Variants in SMOC2 observed in about 807,000 individuals in gnomAD.
The protein encoded by SMOC2 is SPARC-related modular calcium-binding protein 2.
A neutral mutation model predicts 61.4 loss-of-function variants in SMOC2; 39 were observed. The observed-to-expected ratio is 0.64, with a 90% CI of 0.49 to 0.83. The LOEUF is 0.83. Among genes scored for constraint, SMOC2 ranks in the 40% least tolerant of loss-of-function variants. The pLI, the probability that SMOC2 is intolerant of heterozygous loss-of-function variation, is 0.00. For synonymous variants in SMOC2, 247 were observed against 239.9 expected, an observed-to-expected ratio of 1.03 and a Z score of -0.27; for missense variants, 556 against 592.9, an observed-to-expected ratio of 0.94 and a Z score of 0.65.
chr6:168,605,513 G>C (rs553647762), intron 8 of SMOC2, among the ~76,000 whole-genome samples: 6 of 152,096 alleles, frequency 3.9e-5, no homozygotes, highest in Non-Finnish European at 7.3e-5. Flanking sequence ...TGTCAATTCT[G>C]CAAGTCATGG....
At chr6:168,632,439 G>A (rs187638954) in intron 9 of SMOC2, among the ~76,000 whole-genome samples, 1 of 152,354 alleles carries the variant, frequency 6.6e-6, no homozygotes, top group Admixed American at 6.5e-5. Flanking sequence ...ATCAAAGGAA[G>A]TGCTTTCACT....
At chr6:168,514,580 A>C (rs5016785) in intron 2 of SMOC2, among the ~76,000 whole-genome samples, 136,226 of 152,130 alleles carry the variant, frequency 0.9, 61,916 homozygotes, top group East Asian at 1. Flanking sequence ...AATCTCAGCT[A>C]TCTGTGCTGA....
At chr6:168,611,879 C>A (rs527612941) in intron 9 of SMOC2, among the ~76,000 whole-genome samples, 124 of 152,268 alleles carry the variant, frequency 8.1e-4, no homozygotes, top group African/African-American at 3.0e-3. Context: ...AGGCGGCCGG[C>A]CACTCACATG....
At chr6:168,527,204 G>A (rs1783476321) in intron 3 of SMOC2, among the ~76,000 whole-genome samples, 2 of 152,132 alleles carry the variant, frequency 1.3e-5, no homozygotes, top group Admixed American at 6.5e-5. Flanking sequence ...AGGCTGTTCT[G>A]GCCCTGGTTG....
chr6:168,514,919 G>C (rs1391419081), intron 2 of SMOC2, among the ~76,000 whole-genome samples: 1 of 152,210 alleles, frequency 6.6e-6, no homozygotes, highest in East Asian at 1.9e-4. Context: ...CGACACCTGT[G>C]ACCCTCTCTG....
At chr6:168,445,723 G>A (rs1781317789) in intron 1 of SMOC2, among the ~76,000 whole-genome samples, 1 of 152,156 alleles carries the variant, frequency 6.6e-6, no homozygotes, top group Non-Finnish European at 1.5e-5. Flanking sequence ...CCACGAAGGT[G>A]GTTAAGGAGG....
chr6:168,471,156 T>G (rs1781959084), intron 1 of SMOC2, among the ~76,000 whole-genome samples: 1 of 152,228 alleles, frequency 6.6e-6, no homozygotes, highest in Non-Finnish European at 1.5e-5. Flanking sequence ...GAGATATAAC[T>G]GTCGCACAAC....
intron 1 of SMOC2, among the ~76,000 whole-genome samples, chr6:168,485,015 CAGAT>C (rs1439284960): frequency 1.3e-5 from 2 of 152,060 alleles, no homozygotes; most frequent in African/African-American, 4.8e-5. Context: ...GTTCTGGAGA[CAGAT>C]GGTGGTGATA....
chr6:168,656,715 C>T (rs191366592), intron 11 of SMOC2, among the ~76,000 whole-genome samples: 1 of 152,066 alleles, frequency 6.6e-6, no homozygotes, highest in East Asian at 1.9e-4. Context: ...GCTGTTCAAC[C>T]AAATTAGGGC....
intron 1 of SMOC2, among the ~76,000 whole-genome samples, chr6:168,442,593 A>C (rs1002836608): frequency 1.3e-5 from 2 of 152,274 alleles, no homozygotes; most frequent in African/African-American, 2.4e-5. Context: ...GTCTTTTTTA[A>C]GTGGCCGGGG....
At chr6:168,621,276 C>T (rs944238217) in intron 9 of SMOC2, among the ~76,000 whole-genome samples, 3 of 152,194 alleles carry the variant, frequency 2.0e-5, no homozygotes, top group Non-Finnish European at 4.4e-5. Context: ...TTTCTCTACG[C>T]TTTTCCTGAT....
chr6:168,528,586 T>G (rs951180640), intron 4 of SMOC2, among the ~76,000 whole-genome samples: 3 of 152,248 alleles, frequency 2.0e-5, no homozygotes, highest in Admixed American at 6.5e-5. Context: ...ATTCTGTTTA[T>G]TATTCAAATG....
chr6:168,512,859 C>T (rs1275523466), intron 2 of SMOC2, among the ~76,000 whole-genome samples: 4 of 152,150 alleles, frequency 2.6e-5, no homozygotes, highest in African/African-American at 9.7e-5. Flanking sequence ...CTCCAGTGTA[C>T]CCGCACACTG....
intron 2 of SMOC2, among the ~76,000 whole-genome samples, chr6:168,520,323 A>G (rs1349712715): frequency 1.3e-5 from 2 of 152,238 alleles, no homozygotes; most frequent in Admixed American, 1.3e-4. Flanking sequence ...ATTTGATGCC[A>G]AAATCAATAA....
At chr6:168,665,532 A>T (rs1787642178) in intron 12 of SMOC2, among the ~76,000 whole-genome samples, 1 of 152,248 alleles carries the variant, frequency 6.6e-6, no homozygotes, top group Non-Finnish European at 1.5e-5. Flanking sequence ...AAGGTGCATG[A>T]TGCTAATGTG....
intron 7 of SMOC2, among the ~76,000 whole-genome samples, chr6:168,583,597 G>A (rs1420694110): frequency 6.6e-6 from 1 of 152,170 alleles, no homozygotes; most frequent in Non-Finnish European, 1.5e-5. Flanking sequence ...GCAAACTGGG[G>A]ATGTTCTTCT....
At chr6:168,588,597 G>A (rs1413261472) in intron 7 of SMOC2, among the ~76,000 whole-genome samples, 5 of 152,216 alleles carry the variant, frequency 3.3e-5, no homozygotes, top group Non-Finnish European at 7.3e-5. Flanking sequence ...CAGATTCTGT[G>A]TGACAAGTGA....
chr6:168,583,768 C>T (rs1487119001), intron 7 of SMOC2, among the ~76,000 whole-genome samples: 1 of 152,244 alleles, frequency 6.6e-6, no homozygotes, highest in African/African-American at 2.4e-5. Flanking sequence ...TATGGGAGCA[C>T]TGCAGAGACC....
chr6:168,460,900 CAA>C (rs66623229), intron 1 of SMOC2, among the ~76,000 whole-genome samples: 44,174 of 152,068 alleles, frequency 0.29, 8,307 homozygotes, highest in African/African-American at 0.52. Context: ...TAATCACTAT[CAA>C]ACTGGGTCAG....
Sources: gnomAD v4.1 joint callset for allele counts (sites outside exome capture counted in the v4.1 genomes callset) on GRCh38, gnomAD v4.1.1 for gene constraint, MANE v1.5 for transcripts, NCBI Gene and HGNC (gene_info 2026-07-23, HGNC 2026-07-21) for gene names.